CADPS2: variants seen among roughly 807,000 people sequenced by gnomAD.
CADPS2 encodes calcium dependent secretion activator 2, also known as calcium-dependent secretion activator 2.
CADPS2 carries 93 observed loss-of-function variants against 172.5 expected under a neutral mutation model. The observed-to-expected ratio is 0.54, with a 90% CI of 0.46 to 0.64. The LOEUF is 0.64. Ranked by LOEUF, CADPS2 falls within the 30% of genes least tolerant of loss-of-function variation. The pLI is 0.00. For missense variants in CADPS2, 1,420 were observed against 1,565.9 expected (o/e 0.91, Z 1.57); for synonymous variants, 546 against 555.2 (o/e 0.98, Z 0.23).
At chr7:122,747,854 C>T (rs900670874) in intron 1 of CADPS2, among the ~76,000 whole-genome samples, 3 of 152,066 alleles carry the variant, frequency 2.0e-5, no homozygotes, top group African/African-American at 7.2e-5. Context: ...AGTTTGCTTC[C>T]TCTGCCTAGA....
At chr7:122,736,845 C>G in intron 2 of CADPS2, 110 bp downstream of exon 2, 1 of 596,724 alleles carries the variant, frequency 1.7e-6, no homozygotes, top group East Asian at 2.9e-5. Flanking sequence ...TGCAAATTCA[C>G]AGCCTTCCTG....
intron 4 of CADPS2, among the ~76,000 whole-genome samples, chr7:122,627,862 T>C (rs1463841968): frequency 6.6e-6 from 1 of 152,164 alleles, no homozygotes. Flanking sequence ...GGACTTGGCA[T>C]TAAAATATTT....
chr7:122,754,633 C>T (rs1415814530), intron 1 of CADPS2, among the ~76,000 whole-genome samples: 2 of 152,046 alleles, frequency 1.3e-5, no homozygotes, highest in African/African-American at 2.4e-5. Flanking sequence ...CCCACCATCA[C>T]GCCCGGCGAA....
At chr7:122,438,206 T>C (rs1461933363) in intron 17 of CADPS2, 135 bp downstream of exon 17, 14 of 1,106,922 alleles carry the variant, frequency 1.3e-5, no homozygotes. Context: ...GTTCACCAGC[T>C]GAGATTTTAA....
At chr7:122,468,229 C>G (rs973835529) in intron 14 of CADPS2, among the ~76,000 whole-genome samples, 1 of 152,100 alleles carries the variant, frequency 6.6e-6, no homozygotes, top group Non-Finnish European at 1.5e-5. Context: ...ATGAGCAAAA[C>G]GACTCTTTGA....
chr7:122,466,765 A>C (rs2055194485), intron 14 of CADPS2, among the ~76,000 whole-genome samples: 1 of 152,224 alleles, frequency 6.6e-6, no homozygotes, highest in Non-Finnish European at 1.5e-5. Context: ...GTTATTACTC[A>C]CAAGGTACAC....
intron 2 of CADPS2, among the ~76,000 whole-genome samples, chr7:122,692,022 G>A (rs1226356881): frequency 6.6e-6 from 1 of 152,146 alleles, no homozygotes; most frequent in Non-Finnish European, 1.5e-5. Flanking sequence ...TATGGCCTTT[G>A]GTTGTCTGGT....
intron 1 of CADPS2, among the ~76,000 whole-genome samples, chr7:122,863,751 C>T (rs754763382): frequency 5.3e-5 from 8 of 151,884 alleles, no homozygotes; most frequent in Admixed American, 2.6e-4. Flanking sequence ...GTAGATAAGC[C>T]AGGTGCAGTG....
At chr7:122,347,423 CT>C (rs901446315) in intron 27 of CADPS2, among the ~76,000 whole-genome samples, 23 of 152,034 alleles carry the variant, frequency 1.5e-4, no homozygotes, top group Non-Finnish European at 2.6e-4. Context: ...AAAGTTATTT[CT>C]GTGCAGTAAG....
At chr7:122,813,770 G>A (rs1186060472) in intron 1 of CADPS2, among the ~76,000 whole-genome samples, 1 of 151,860 alleles carries the variant, frequency 6.6e-6, no homozygotes, top group Non-Finnish European at 1.5e-5. Context: ...AAAAGACAGT[G>A]GATATTGGAA....
At chr7:122,883,022 G>A (rs1204027804) in intron 1 of CADPS2, among the ~76,000 whole-genome samples, 1 of 152,168 alleles carries the variant, frequency 6.6e-6, no homozygotes, top group Non-Finnish European at 1.5e-5. Context: ...CAGAGGGCTT[G>A]AATGTCATAA....
chr7:122,709,668 C>T (rs1332202047), intron 2 of CADPS2, among the ~76,000 whole-genome samples: 1 of 152,004 alleles, frequency 6.6e-6, no homozygotes, highest in Non-Finnish European at 1.5e-5. Flanking sequence ...AAATGTCCAA[C>T]AATGATAGAC....
At chr7:122,472,616 A>G (rs962465875) in intron 13 of CADPS2, among the ~76,000 whole-genome samples, 1 of 152,174 alleles carries the variant, frequency 6.6e-6, no homozygotes, top group Non-Finnish European at 1.5e-5. Context: ...ACTGGCGGTC[A>G]ACAACAAAAT....
chr7:122,640,723 A>G (rs1588055470), intron 3 of CADPS2, among the ~76,000 whole-genome samples: 1 of 152,308 alleles, frequency 6.6e-6, no homozygotes, highest in Middle Eastern at 3.4e-3. Flanking sequence ...CAAGGTCAGG[A>G]GATCAAGACC....
rs539776669 is a variant in CADPS2 at position 122,643,869 on chromosome 7, T to C, written c.787-14541A>G. Among the ~76,000 whole-genome samples, 8 of 152,188 alleles carry C rather than the reference T, an allele frequency of 5.3e-5. No homozygotes were observed. The South Asian group carries it at 1.2e-3, about 24-fold the overall frequency. ...ATTTTAGGAGGCCGAGGTGGGTAGA[T>C]TGCTTGAGGCCAGGAGTTGGAGACC... On this transcript the variant is annotated intron_variant, in intron 3 of 29. Coordinates refer to ENST00000449022, the MANE Select transcript of CADPS2 (RefSeq NM_017954.11).
At chr7:122,424,433 C>G in intron 17 of CADPS2, 3 of 510,034 alleles carry the variant, frequency 5.9e-6, no homozygotes, top group Non-Finnish European at 5.1e-6. Flanking sequence ...GGGCTGAATC[C>G]AAACTGAGCA....
chr7:122,411,962 G>T (rs918035871), intron 19 of CADPS2, among the ~76,000 whole-genome samples: 1 of 152,142 alleles, frequency 6.6e-6, no homozygotes, highest in Non-Finnish European at 1.5e-5. Context: ...CAAAACATGA[G>T]AATGTAAAGT....
chr7:122,765,758 G>A (rs1271017395), intron 1 of CADPS2, among the ~76,000 whole-genome samples: 3 of 152,010 alleles, frequency 2.0e-5, no homozygotes, highest in Admixed American at 6.6e-5. Flanking sequence ...AATCATCAAA[G>A]CAAACTATCT....
chr7:122,320,402 C>T (rs923881933), intron 29 of CADPS2, 64 bp from the exon 30 acceptor site: 21 of 1,273,446 alleles, frequency 1.6e-5, no homozygotes, highest in Non-Finnish European at 1.9e-5. Flanking sequence ...TAGATATATA[C>T]TCAGTTGGCA....
Sources: gnomAD v4.1 joint callset for allele counts (sites outside exome capture counted in the v4.1 genomes callset) on GRCh38, gnomAD v4.1.1 for gene constraint, MANE v1.5 for transcripts, NCBI Gene and HGNC (gene_info 2026-07-23, HGNC 2026-07-21) for gene names.